Variants in P3H2 observed in about 807,000 individuals in gnomAD.
The protein encoded by P3H2 is prolyl 3-hydroxylase 2.
A neutral mutation model predicts 87.0 loss-of-function variants in P3H2; 80 were observed. The observed-to-expected ratio is 0.92, with a 90% CI of 0.77 to 1.11. P3H2 has a LOEUF of 1.11. P3H2 is among the 50% of genes least tolerant of loss of function. The pLI, the probability that P3H2 is intolerant of heterozygous loss-of-function variation, is 0.00. For missense variants in P3H2, 1,001 were observed against 923.9 expected, an observed-to-expected ratio of 1.08 and a Z score of -1.08; for synonymous variants, 367 against 359.3, an observed-to-expected ratio of 1.02 and a Z score of -0.24.
chr3:190,073,386 G>A (rs948404961), intron 1 of P3H2, among the ~76,000 whole-genome samples: 5 of 152,118 alleles, frequency 3.3e-5, no homozygotes, highest in African/African-American at 4.8e-5. Context: ...CCATTGCCAC[G>A]CAGCCCTGAT....
In P3H2 at chr3:190,120,446, G is replaced by T. The variant is rs1375801184; in HGVS notation, c.286C>A (p.Pro96Thr). The T allele has an allele frequency of 7.0e-7, 1 of 1,430,776 alleles. No homozygotes were observed. The highest frequency in any genetic ancestry group is 9.1e-7 in the Non-Finnish European group (1 of 1,102,992). 88.6% of individuals were successfully genotyped at this position (1,430,776 alleles called of 1,614,324 possible). A position where few individuals can be genotyped will look rare whatever the true frequency, so the allele number is the denominator to read the frequency against. Residue 96 changes from proline to threonine, a missense_variant, in exon 1 of 15, where the codon CCC (proline) becomes ACC (threonine). By Grantham distance (38) the Pro-to-Thr change is conservative. Transcript: ENST00000319332. ...RHCAARHPLP[P>T]PPPGEGPGAE... ...CCGGGGCCCTCGCCGGGGGGCGGGG[G>T]CGGGAGCGGGTGGCGCGCCGCGCAG...
At chr3:190,049,501 A>G (rs1408198100) in intron 1 of P3H2, among the ~76,000 whole-genome samples, 3 of 152,228 alleles carry the variant, frequency 2.0e-5, no homozygotes, top group Non-Finnish European at 2.9e-5. Flanking sequence ...GTGGTTGTTG[A>G]TATGTGACAA....
At chr3:190,034,683 T>C (rs1725361156) in intron 1 of P3H2, among the ~76,000 whole-genome samples, 2 of 152,178 alleles carry the variant, frequency 1.3e-5, no homozygotes, top group African/African-American at 4.8e-5. Context: ...GTGACGTAAC[T>C]GCTCTGTATC....
intron 1 of P3H2, among the ~76,000 whole-genome samples, chr3:190,007,965 C>CACACACACACACACATACATATAT: frequency 1.1e-5 from 1 of 94,346 alleles, no homozygotes; most frequent in African/African-American, 3.9e-5. Flanking sequence ...TGTTGACACA[C>CACACACACACACACATACATATAT]ATATATATAT....
At chr3:190,074,250 C>A (rs894607731) in intron 1 of P3H2, among the ~76,000 whole-genome samples, 17 of 152,170 alleles carry the variant, frequency 1.1e-4, no homozygotes, top group African/African-American at 4.1e-4. Context: ...TGGCTCATGC[C>A]TGTAATCCCA....
At position 189,979,878 on chromosome 3, in the gene P3H2, G is replaced by A. The variant is rs534935959; in HGVS notation, c.1324+3168C>T. Reference sequence around the variant, plus strand: ...AGCTACTCGGGAGGCTGAGACAGGAGAATCACTGGAATCCAGGAGGCAGAG... The same window carrying A: ...AGCTACTCGGGAGGCTGAGACAGGAAAATCACTGGAATCCAGGAGGCAGAG... On this transcript the variant is annotated intron_variant, in intron 8 of 14. Transcript: ENST00000319332. Among the ~76,000 whole-genome samples the A allele has an allele frequency of 1.1e-4, 16 of 152,226 alleles. No homozygotes were observed. The South Asian group carries it at 3.1e-3, about 30-fold the overall frequency.
chr3:190,003,462 T>G (rs1724277671), intron 1 of P3H2, among the ~76,000 whole-genome samples: 1 of 151,218 alleles, frequency 6.6e-6, no homozygotes, highest in Non-Finnish European at 1.5e-5. Flanking sequence ...TATTTCCGAT[T>G]AGAGACTATT....
At chr3:190,085,787 T>C (rs567619406) in intron 1 of P3H2, among the ~76,000 whole-genome samples, 2 of 152,312 alleles carry the variant, frequency 1.3e-5, no homozygotes, top group South Asian at 2.1e-4. Flanking sequence ...CAAAAAATCA[T>C]GGCATTATTT....
upstream of P3H2, chr3:190,120,966 G>A (rs1372128764): frequency 1.8e-6 from 1 of 563,774 alleles, no homozygotes; most frequent in Admixed American, 4.2e-5. Context: ...TGCTGCCTGA[G>A]ACTCCGAGAG....
Position 189,987,604 on chromosome 3 carries a change from C to T in P3H2, c.1021G>A (p.Asp341Asn), listed in dbSNP as rs373927327. Residue 341 changes from aspartate to asparagine, a missense_variant, in exon 5 of 15, where the codon GAT becomes AAT. By Grantham distance (23) the Asp-to-Asn change is conservative. Coordinates refer to ENST00000319332, the MANE Select transcript of P3H2 (RefSeq NM_018192.4). ...TAGTAATCCACATTGTCTAGGACATCCTCATCATCTGGATGGCATAGAAGA... is the reference window on the plus strand; with the variant it reads ...TAGTAATCCACATTGTCTAGGACATTCTCATCATCTGGATGGCATAGAAGA... ...AYLLCHPDDEDVLDNVDYYES... is the reference protein window; with the variant it reads ...AYLLCHPDDENVLDNVDYYES... The T allele has an allele frequency of 9.9e-6, 16 of 1,614,012 alleles. No homozygotes were observed. The highest frequency in any genetic ancestry group is 1.3e-5 in the Non-Finnish European group (15 of 1,180,042).
Position 190,045,605 on chromosome 3 carries a change from C to T in P3H2, c.481-50163G>A, listed in dbSNP as rs1347262048. 2.6e-5 allele frequency among the ~76,000 whole-genome samples: 4 copies of T among 152,020 alleles called. No homozygotes were observed. In the East Asian group the frequency reaches 7.7e-4, roughly 29 times the overall value. Reference sequence around the variant, plus strand: ...TAACTAGACTACAGTCCCCAAACACCAATATAAGTGTTTCTTTGGAGGTAT... The same window carrying T: ...TAACTAGACTACAGTCCCCAAACACTAATATAAGTGTTTCTTTGGAGGTAT... On this transcript the variant is annotated intron_variant, in intron 1 of 14. Transcript: ENST00000319332.
At chr3:190,067,276 T>C (rs1206185772) in intron 1 of P3H2, among the ~76,000 whole-genome samples, 1 of 152,016 alleles carries the variant, frequency 6.6e-6, no homozygotes, top group East Asian at 1.9e-4. Context: ...ATTTACTAAA[T>C]AAAAAGTGAA....
chr3:190,047,677 G>A (rs905581381), intron 1 of P3H2, among the ~76,000 whole-genome samples: 1 of 152,174 alleles, frequency 6.6e-6, no homozygotes, highest in Non-Finnish European at 1.5e-5. Context: ...GCCAGGCTCA[G>A]AAAGACAAAT....
At chr3:189,975,257 G>A (rs868043112) in intron 8 of P3H2, among the ~76,000 whole-genome samples, 1 of 152,096 alleles carries the variant, frequency 6.6e-6, no homozygotes, top group South Asian at 2.1e-4. Context: ...AAATCATCAC[G>A]TTTCTATTTC....
intron 1 of P3H2, among the ~76,000 whole-genome samples, chr3:190,064,317 T>C (rs1225708038): frequency 6.6e-6 from 1 of 151,904 alleles, no homozygotes; most frequent in Non-Finnish European, 1.5e-5. Context: ...CCAGCCAGAA[T>C]AAATATTCTT....
intron 13 of P3H2, among the ~76,000 whole-genome samples, chr3:189,965,047 G>A (rs1030885873): frequency 2.6e-5 from 4 of 152,138 alleles, no homozygotes; most frequent in Non-Finnish European, 5.9e-5. Flanking sequence ...GTATAGTTCA[G>A]AAAAGTAAAG....
At chr3:189,982,162 GA>G (rs1372926857) in intron 8 of P3H2, among the ~76,000 whole-genome samples, 4 of 152,140 alleles carry the variant, frequency 2.6e-5, no homozygotes, top group Admixed American at 2.6e-4. Flanking sequence ...GTGAAGAAGA[GA>G]AAATGGGATT....
chr3:189,994,070 T>G (rs199857489), intron 3 of P3H2, 24 bp downstream of exon 3: 23 of 1,561,912 alleles, frequency 1.5e-5, no homozygotes, highest in Non-Finnish European at 2.0e-5. Context: ...AAGAAAGAAA[T>G]AAAATGAAAA....
intron 13 of P3H2, chr3:189,969,388 C>T (rs750747573): frequency 2.3e-4 from 180 of 797,948 alleles, no homozygotes; most frequent in Non-Finnish European, 3.6e-4. Flanking sequence ...TCACCAGAGT[C>T]CTAGCTTCTT....
Sources: gnomAD v4.1 joint callset for allele counts (sites outside exome capture counted in the v4.1 genomes callset) on GRCh38, gnomAD v4.1.1 for gene constraint, MANE v1.5 for transcripts, NCBI Gene and HGNC (gene_info 2026-07-23, HGNC 2026-07-21) for gene names.